Variants in PCCA observed in about 807,000 individuals in gnomAD.
PCCA encodes propionyl-CoA carboxylase subunit alpha.
A neutral mutation model predicts 101.3 loss-of-function variants in PCCA; 74 were observed. That is an observed-to-expected ratio of 0.73 (90% CI 0.61 to 0.89). PCCA has a LOEUF of 0.89. PCCA is among the 40% of genes least tolerant of loss of function. PCCA has a pLI of 0.00. For synonymous variants in PCCA, 294 were observed against 313.6 expected (o/e 0.94, Z 0.66); for missense variants, 891 against 907.0 (o/e 0.98, Z 0.23).
chr13:100,269,849 G>A (rs1329371187), intron 11 of PCCA, among the ~76,000 whole-genome samples: 1 of 152,148 alleles, frequency 6.6e-6, no homozygotes, highest in Admixed American at 6.5e-5. Flanking sequence ...ATGGCATGGT[G>A]TTATTAGTTT....
intron 6 of PCCA, among the ~76,000 whole-genome samples, chr13:100,165,741 C>A (rs2152881): frequency 0.49 from 75,150 of 151,840 alleles, 19,239 homozygotes; most frequent in East Asian, 0.77. Flanking sequence ...GTTTTTAAAG[C>A]AGAGTTCAGG....
At chr13:100,211,242 CT>C (rs755720339) in intron 7 of PCCA, among the ~76,000 whole-genome samples, 4 of 152,206 alleles carry the variant, frequency 2.6e-5, no homozygotes, top group Admixed American at 6.5e-5. Context: ...ACCATCACCC[CT>C]ATCACTCTAC....
chr13:100,317,988 C>A (rs1436061009), intron 16 of PCCA, among the ~76,000 whole-genome samples: 1 of 152,136 alleles, frequency 6.6e-6, no homozygotes, highest in African/African-American at 2.4e-5. Flanking sequence ...TAGCTGTGGA[C>A]CCCAGCCTTG....
chr13:100,319,710 C>T (rs1451818677), intron 16 of PCCA, among the ~76,000 whole-genome samples: 2 of 152,166 alleles, frequency 1.3e-5, no homozygotes, highest in African/African-American at 4.8e-5. Flanking sequence ...TGTTTTGGTA[C>T]CAGTACCATG....
At chr13:100,333,287 A>T (rs1349151265) in intron 17 of PCCA, among the ~76,000 whole-genome samples, 1 of 152,228 alleles carries the variant, frequency 6.6e-6, no homozygotes, top group African/African-American at 2.4e-5. Flanking sequence ...TGGTAACTAC[A>T]GTTAATCCAG....
chr13:100,490,084 TTC>T (rs745346126), intron 21 of PCCA: 2 of 152,290 alleles, frequency 1.3e-5, no homozygotes, highest in Non-Finnish European at 2.9e-5. Flanking sequence ...TATTTCTGCA[TTC>T]TGTCTTGCAT....
At chr13:100,188,747 C>T (rs2057514443) in intron 6 of PCCA, among the ~76,000 whole-genome samples, 1 of 152,094 alleles carries the variant, frequency 6.6e-6, no homozygotes, top group Non-Finnish European at 1.5e-5. Context: ...TGATTATGGC[C>T]ATTCTTGCAG....
At chr13:100,366,956 G>A (rs2075223778) in intron 18 of PCCA, among the ~76,000 whole-genome samples, 1 of 152,064 alleles carries the variant, frequency 6.6e-6, no homozygotes, top group Admixed American at 6.6e-5. Context: ...CATAGTTTTT[G>A]TGACTCTGAT....
intron 18 of PCCA, among the ~76,000 whole-genome samples, chr13:100,355,110 T>C (rs1360748106): frequency 6.6e-6 from 1 of 152,116 alleles, no homozygotes; most frequent in Admixed American, 6.5e-5. Context: ...ATATACATCA[T>C]AACCAAATGA....
At chr13:100,242,906 T>C (rs9585388) in intron 8 of PCCA, among the ~76,000 whole-genome samples, 6,122 of 151,908 alleles carry the variant, frequency 0.04, 419 homozygotes, top group African/African-American at 0.14. Context: ...GTGGTGGTGG[T>C]TGTTTTTTGA....
chr13:100,130,166 C>A (rs2050361505), intron 4 of PCCA, among the ~76,000 whole-genome samples: 1 of 152,226 alleles, frequency 6.6e-6, no homozygotes, highest in South Asian at 2.1e-4. Context: ...CCACTTGATA[C>A]CTGACTTGCC....
At chr13:100,425,795 G>A in intron 20 of PCCA, 64 bp downstream of exon 20, 1 of 1,015,950 alleles carries the variant, frequency 9.8e-7, no homozygotes, top group Non-Finnish European at 1.6e-6. Flanking sequence ...CAGCACCTGT[G>A]TGGCTAATAC....
intron 4 of PCCA, among the ~76,000 whole-genome samples, chr13:100,141,095 A>G (rs2051814375): frequency 6.6e-6 from 1 of 152,192 alleles, no homozygotes; most frequent in Non-Finnish European, 1.5e-5. Flanking sequence ...TTCTTTCCAT[A>G]GGAGATAAAC....
chr13:100,447,918 C>T (rs879903558), intron 20 of PCCA, among the ~76,000 whole-genome samples: 1 of 152,174 alleles, frequency 6.6e-6, no homozygotes, highest in Non-Finnish European at 1.5e-5. Context: ...GGTTCTATTA[C>T]TTCTGTGATC....
intron 19 of PCCA, among the ~76,000 whole-genome samples, chr13:100,409,668 C>T (rs1425909514): frequency 6.6e-6 from 1 of 152,176 alleles, no homozygotes; most frequent in African/African-American, 2.4e-5. Context: ...TCCCTACCTC[C>T]AGCAGTGGAG....
chr13:100,390,287 A>G (rs2076737737), intron 19 of PCCA, among the ~76,000 whole-genome samples: 1 of 152,210 alleles, frequency 6.6e-6, no homozygotes, highest in African/African-American at 2.4e-5. Context: ...ATTTTTAAGT[A>G]TAAGGAAATT....
intron 9 of PCCA, among the ~76,000 whole-genome samples, chr13:100,258,870 C>G (rs1162554941): frequency 1.3e-5 from 2 of 152,130 alleles, no homozygotes; most frequent in African/African-American, 4.8e-5. Context: ...AAATATTACT[C>G]TCTTCAGCTT....
At chr13:100,396,674 G>A (rs994827935) in intron 19 of PCCA, among the ~76,000 whole-genome samples, 1 of 152,130 alleles carries the variant, frequency 6.6e-6, no homozygotes, top group Non-Finnish European at 1.5e-5. Context: ...AAAATAAAAT[G>A]TGCCAACATA....
In PCCA at chr13:100,209,368, C is replaced by A; in HGVS notation, c.505C>A (p.His169Asn). Residue 169 changes from histidine to asparagine, a missense_variant, in exon 7 of 24, where the codon CAT becomes AAT. Coordinates refer to ENST00000376285, the MANE Select transcript of PCCA (RefSeq NM_000282.4). ...TGTCGTTTTCATTGGACCTGACACA[C>A]ATGCTATTCAAGCCATGGGCGACAA... ...EDVVFIGPDTHAIQAMGDKIE... is the reference protein window; with the variant it reads ...EDVVFIGPDTNAIQAMGDKIE... The A allele has an allele frequency of 1.2e-6, 2 of 1,613,064 alleles. No homozygotes were observed. The highest frequency in any genetic ancestry group is 1.7e-6 in the Non-Finnish European group (2 of 1,179,028).
Sources: gnomAD v4.1 joint callset for allele counts (sites outside exome capture counted in the v4.1 genomes callset) on GRCh38, gnomAD v4.1.1 for gene constraint, MANE v1.5 for transcripts, NCBI Gene and HGNC (gene_info 2026-07-23, HGNC 2026-07-21) for gene names.